Variants in MARCHF1 observed in about 807,000 individuals in gnomAD.
MARCHF1 encodes membrane associated ring-CH-type finger 1, also known as E3 ubiquitin-protein ligase MARCHF1.
Under a neutral mutation model 54.2 loss-of-function variants are expected in MARCHF1, and 40 were observed. The observed-to-expected ratio is 0.74, with a 90% CI of 0.57 to 0.96. MARCHF1 has a LOEUF of 0.96. Among genes scored for constraint, MARCHF1 ranks in the 40% least tolerant of loss-of-function variants. The pLI is 0.00. For missense variants in MARCHF1, 586 were observed against 656.5 expected (o/e 0.89, Z 1.17); for synonymous variants, 236 against 236.3 (o/e 1.00, Z 0.01).
At position 164,368,660 on chromosome 4, in the gene MARCHF1, T is replaced by A. The variant is rs550688385; in HGVS notation, c.-323+15210A>T. On this transcript the variant is annotated intron_variant, in intron 1 of 9. Transcript: ENST00000514618. ...GCACATAATGACCAACCAGGATTTA[T>A]CCTAAATATGCAGGGACTGTGTATT... is the stretch of plus-strand genomic sequence containing the variant. Among the ~76,000 whole-genome samples, 3 of 152,294 alleles carry A rather than the reference T, an allele frequency of 2.0e-5. No individual in the cohort carries two copies. The East Asian group carries it at 5.8e-4, about 29-fold the overall frequency.
At chr4:164,001,805 A>G (rs1753191208) in intron 2 of MARCHF1, among the ~76,000 whole-genome samples, 2 of 151,860 alleles carry the variant, frequency 1.3e-5, no homozygotes, top group Admixed American at 6.6e-5. Flanking sequence ...AGCTCCTAAA[A>G]TCCGTATAAC....
intron 1 of MARCHF1, among the ~76,000 whole-genome samples, chr4:164,279,462 G>C (rs1026041248): frequency 1.5e-4 from 23 of 151,258 alleles, no homozygotes; most frequent in Admixed American, 3.3e-4. Context: ...ACATTTTTCA[G>C]AATCAAAAAA....
intron 5 of MARCHF1, chr4:163,613,692 A>C (rs1014031310): frequency 2.5e-6 from 2 of 791,354 alleles, no homozygotes; most frequent in Non-Finnish European, 3.1e-6. Context: ...GAATAGCTCA[A>C]TTTGCTTTGG....
intron 3 of MARCHF1, among the ~76,000 whole-genome samples, chr4:163,981,861 C>G (rs1354950719): frequency 3.3e-5 from 5 of 152,192 alleles, no homozygotes; most frequent in Non-Finnish European, 7.3e-5. Flanking sequence ...CACATGGAGT[C>G]TCATTAAATC....
At chr4:163,690,473 C>A (rs1445925092) in intron 5 of MARCHF1, among the ~76,000 whole-genome samples, 2 of 152,126 alleles carry the variant, frequency 1.3e-5, no homozygotes, top group African/African-American at 4.8e-5. Flanking sequence ...TCCTTAGAAA[C>A]CATGAAGCCA....
chr4:163,599,908 A>T (rs561084049), intron 7 of MARCHF1, among the ~76,000 whole-genome samples: 47 of 152,324 alleles, frequency 3.1e-4, no homozygotes, highest in African/African-American at 1.1e-3. Context: ...GAGAAATTTG[A>T]GGTCATTCCA....
intron 4 of MARCHF1, among the ~76,000 whole-genome samples, chr4:163,721,260 G>T (rs991655534): frequency 1.3e-5 from 2 of 152,116 alleles, no homozygotes; most frequent in Admixed American, 1.3e-4. Flanking sequence ...TTTTGTCAAA[G>T]GTCTTCTCTG....
At chr4:164,222,310 T>C (rs566422174) in intron 1 of MARCHF1, among the ~76,000 whole-genome samples, 2 of 152,120 alleles carry the variant, frequency 1.3e-5, no homozygotes, top group Admixed American at 1.3e-4. Context: ...ATTTTGATTG[T>C]TTCTTATGTT....
At chr4:163,863,752 A>C (rs780660490) in intron 3 of MARCHF1, among the ~76,000 whole-genome samples, 1 of 152,044 alleles carries the variant, frequency 6.6e-6, no homozygotes, top group Non-Finnish European at 1.5e-5. Flanking sequence ...GGGCTGCTTT[A>C]AAAAATGGCT....
intron 1 of MARCHF1, among the ~76,000 whole-genome samples, chr4:164,371,372 A>G (rs1266297963): frequency 6.6e-6 from 1 of 152,226 alleles, no homozygotes; most frequent in Non-Finnish European, 1.5e-5. Flanking sequence ...GAAATACTAA[A>G]TTTGTAAAGG....
intron 8 of MARCHF1, among the ~76,000 whole-genome samples, chr4:163,551,669 T>A (rs1739111034): frequency 6.6e-6 from 1 of 152,236 alleles, no homozygotes; most frequent in African/African-American, 2.4e-5. Flanking sequence ...TGTTGAATTG[T>A]AGCTCCCATA....
At chr4:164,125,354 T>TC (rs1489038019) in intron 1 of MARCHF1, among the ~76,000 whole-genome samples, 1 of 152,132 alleles carries the variant, frequency 6.6e-6, no homozygotes, top group East Asian at 1.9e-4. Context: ...TATATACATT[T>TC]CACCCAAAAG....
At chr4:164,103,974 A>T (rs1755632283) in intron 2 of MARCHF1, among the ~76,000 whole-genome samples, 1 of 151,000 alleles carries the variant, frequency 6.6e-6, no homozygotes, top group Non-Finnish European at 1.5e-5. Context: ...CCATCAGGGA[A>T]TACTACAAAC....
Position 163,854,118 on chromosome 4 carries a change from C to T in MARCHF1, c.14G>A (p.Cys5Tyr), listed in dbSNP as rs997952916. The T allele has an allele frequency of 6.5e-7, 1 of 1,535,808 alleles. No individual in the cohort carries two copies. The highest frequency in any genetic ancestry group is 8.7e-7 in the Non-Finnish European group (1 of 1,146,040). MLGW[C>Y]EAIARNPHRI... The stretch of plus-strand genomic sequence containing the variant: ...GTGAGGGTTACGGGCTATCGCTTCA[C>T]ACCAGCCCAGCATTTTCTCCTTCCT... The change falls in exon 4 of 10, where the codon TGT (cysteine) becomes TAT (tyrosine). Residue 5 changes from cysteine (C) to tyrosine (Y), a missense_variant. Cys to Tyr is a radical substitution (Grantham distance 194). Transcript: ENST00000514618.
At chr4:163,658,039 C>T (rs1038784267) in intron 5 of MARCHF1, among the ~76,000 whole-genome samples, 21 of 151,854 alleles carry the variant, frequency 1.4e-4, no homozygotes, top group East Asian at 1.4e-3. Flanking sequence ...AAAGCAATTG[C>T]GACAAAAGCT....
chr4:164,012,965 A>G (rs1403198296), intron 2 of MARCHF1, among the ~76,000 whole-genome samples: 1 of 152,168 alleles, frequency 6.6e-6, no homozygotes, highest in East Asian at 1.9e-4. Context: ...TTAAATATAT[A>G]AGTCTTCCAT....
At chr4:164,258,125 C>T (rs1733345638) in intron 1 of MARCHF1, among the ~76,000 whole-genome samples, 1 of 152,044 alleles carries the variant, frequency 6.6e-6, no homozygotes, top group Admixed American at 6.6e-5. Flanking sequence ...AGCTGGAAAC[C>T]ATCATTCTCA....
intron 4 of MARCHF1, among the ~76,000 whole-genome samples, chr4:163,848,701 A>G (rs1190192581): frequency 6.6e-6 from 1 of 152,164 alleles, no homozygotes; most frequent in Non-Finnish European, 1.5e-5. Context: ...GTCATACAAG[A>G]GGAGGCCACT....
chr4:163,845,019 C>T (rs1749445263), intron 4 of MARCHF1, among the ~76,000 whole-genome samples: 1 of 152,104 alleles, frequency 6.6e-6, no homozygotes, highest in Admixed American at 6.6e-5. Context: ...CCTGTTCCAC[C>T]ACTTTTCTAA....
Sources: allele counts gnomAD v4.1 joint callset (sites outside exome capture counted in the v4.1 genomes callset), GRCh38; gene constraint gnomAD v4.1.1; transcripts MANE v1.5; gene names NCBI Gene and HGNC (gene_info 2026-07-23, HGNC 2026-07-21).